Variants in SLC60A2 observed in about 807,000 individuals in gnomAD.
The protein encoded by SLC60A2 is major facilitator superfamily domain containing 4B.
the SLC60A2 span, among the ~76,000 whole-genome samples, chr6:111,275,031 A>ACT: frequency 3.4e-5 from 5 of 148,952 alleles, no homozygotes; most frequent in Non-Finnish European, 4.4e-5. Context: ...CAAGCAATCC[A>ACT]CTCACCTCAG....
chr6:111,265,822 TAATA>T, the SLC60A2 span: 9 of 1,466,244 alleles, frequency 6.1e-6, no homozygotes, highest in Admixed American at 2.3e-5. Flanking sequence ...CTTTTTTTTT[TAATA>T]AGTAAGTAAC....
At chr6:111,266,727 A>T in the SLC60A2 span, 2 of 1,614,122 alleles carry the variant, frequency 1.2e-6, no homozygotes, top group Non-Finnish European at 1.7e-6. Context: ...AGTTCTGTAT[A>T]CCTCTTTGGG....
At chr6:111,275,120 C>T in the SLC60A2 span, among the ~76,000 whole-genome samples, 8 of 147,306 alleles carry the variant, frequency 5.4e-5, no homozygotes, top group African/African-American at 9.9e-5. Flanking sequence ...GGTCTCATTT[C>T]GTTGCCCAGG....
chr6:111,278,014 A>G, the SLC60A2 span: 1 of 152,204 alleles, frequency 6.6e-6, no homozygotes, highest in South Asian at 2.1e-4. Context: ...CTCTGCCCCC[A>G]GGAGCAGAGT....
At chr6:111,259,508 G>T in the SLC60A2 span, 1 of 510,008 alleles carries the variant, frequency 2.0e-6, no homozygotes, top group Non-Finnish European at 3.4e-6. Context: ...AAGCGCGGCG[G>T]CAGCAAGACG....
chr6:111,261,372 T>G, the SLC60A2 span, among the ~76,000 whole-genome samples: 1 of 152,216 alleles, frequency 6.6e-6, no homozygotes, highest in South Asian at 2.1e-4. Flanking sequence ...CACTACAGTC[T>G]CGACCTCAGG....
the SLC60A2 span, among the ~76,000 whole-genome samples, chr6:111,274,932 A>AT: frequency 2.6e-5 from 4 of 151,836 alleles, no homozygotes; most frequent in Non-Finnish European, 4.4e-5. Flanking sequence ...TTTCATTTTA[A>AT]TTTTTTTAGA....
the SLC60A2 span, chr6:111,269,702 A>G: frequency 1.3e-5 from 2 of 152,196 alleles, no homozygotes; most frequent in Non-Finnish European, 2.9e-5. Flanking sequence ...AAGGATGATG[A>G]TAAGAACATG....
At chr6:111,266,047 T>C in the SLC60A2 span, 1 of 1,614,088 alleles carries the variant, frequency 6.2e-7, no homozygotes, top group African/African-American at 1.3e-5. Flanking sequence ...CATCCTGCAC[T>C]CAACCAATCA....
At chr6:111,260,760 A>G in the SLC60A2 span, among the ~76,000 whole-genome samples, 1 of 152,214 alleles carries the variant, frequency 6.6e-6, no homozygotes, top group Non-Finnish European at 1.5e-5. Flanking sequence ...GGGTGAAGAA[A>G]GAAATCACTT....
At chr6:111,264,075 C>T in the SLC60A2 span, 4 of 538,950 alleles carry the variant, frequency 7.4e-6, no homozygotes, top group African/African-American at 1.9e-5. Flanking sequence ...TTGTGAGTCA[C>T]TCAGAATGAA....
chr6:111,267,545 GGT>G, the SLC60A2 span: 2 of 158,106 alleles, frequency 1.3e-5, no homozygotes, highest in Non-Finnish European at 2.8e-5. Context: ...AAATGGGCCG[GGT>G]GCAGTGGCTA....
At chr6:111,266,312 T>G in the SLC60A2 span, 2 of 1,614,086 alleles carry the variant, frequency 1.2e-6, no homozygotes. Flanking sequence ...CATATGGCTC[T>G]TATGTTTTCT....
chr6:111,266,127 A>G, the SLC60A2 span: 2 of 1,614,114 alleles, frequency 1.2e-6, no homozygotes, highest in South Asian at 1.1e-5. Flanking sequence ...TTATGCTGTT[A>G]TCGGTACTTA....
At chr6:111,277,632 C>G in the SLC60A2 span, among the ~76,000 whole-genome samples, 4 of 152,300 alleles carry the variant, frequency 2.6e-5, no homozygotes, top group African/African-American at 9.6e-5. Context: ...AAATTTCTAT[C>G]AGCGGAAGAG....
the SLC60A2 span, among the ~76,000 whole-genome samples, chr6:111,271,605 T>C: frequency 1.3e-5 from 2 of 150,998 alleles, no homozygotes; most frequent in African/African-American, 4.9e-5. Context: ...TGGGAGATGA[T>C]CAGTAGATTC....
the SLC60A2 span, among the ~76,000 whole-genome samples, chr6:111,265,014 A>G: frequency 2.0e-5 from 3 of 152,034 alleles, no homozygotes; most frequent in African/African-American, 2.4e-5. Flanking sequence ...AATTGCTTGA[A>G]CCCAGGAGGT....
At chr6:111,263,775 T>A in the SLC60A2 span, 1 of 916,946 alleles carries the variant, frequency 1.1e-6, no homozygotes, top group Non-Finnish European at 1.8e-6. Context: ...TGATATTGAC[T>A]TGATCCATGA....
the SLC60A2 span, among the ~76,000 whole-genome samples, chr6:111,260,785 G>A: frequency 6.6e-6 from 1 of 152,192 alleles, no homozygotes; most frequent in African/African-American, 2.4e-5. Context: ...CTTTTGGTGA[G>A]TCGTCACTGA....
Sources: allele counts gnomAD v4.1 joint callset (sites outside exome capture counted in the v4.1 genomes callset), GRCh38; gene constraint gnomAD v4.1.1; transcripts MANE v1.5; gene names NCBI Gene and HGNC (gene_info 2026-07-23, HGNC 2026-07-21).